Variants in ATXN1 observed in about 807,000 individuals in gnomAD.
The protein encoded by ATXN1 is ataxin-1.
In ATXN1, 8 loss-of-function variants were observed where a neutral mutation model predicts 56.4. That is an observed-to-expected ratio of 0.14 (90% confidence interval 0.08 to 0.26). The LOEUF (loss-of-function observed/expected upper bound fraction) is 0.26, where lower values mean the gene tolerates loss of function less well. Among genes scored for constraint, ATXN1 ranks in the 10% least tolerant of loss-of-function variants. The probability of loss-of-function intolerance (pLI) is 1.00; values close to 1 mark genes in which losing one functional copy is unlikely to be tolerated. For synonymous variants in ATXN1, 514 were observed against 494.6 expected (o/e 1.04, Z -0.52); for missense variants, 987 against 1,106.5 (o/e 0.89, Z 1.53).
intron 3 of ATXN1, among the ~76,000 whole-genome samples, chr6:16,643,067 C>T (rs868183847): frequency 2.6e-5 from 4 of 151,572 alleles, no homozygotes; most frequent in Non-Finnish European, 4.4e-5. Flanking sequence ...GTCAGGAGTT[C>T]GAGACCAGCC....
At chr6:16,490,203 C>T (rs1255838999) in intron 5 of ATXN1, among the ~76,000 whole-genome samples, 1 of 151,284 alleles carries the variant, frequency 6.6e-6, no homozygotes, top group Non-Finnish European at 1.5e-5. Flanking sequence ...CAGGTTATTA[C>T]ACTGTGTGTG....
At chr6:16,703,729 G>A (rs546401559) in intron 2 of ATXN1, among the ~76,000 whole-genome samples, 1 of 152,170 alleles carries the variant, frequency 6.6e-6, no homozygotes, top group African/African-American at 2.4e-5. Flanking sequence ...TTTAAAAATG[G>A]TTAAAGTGGG....
chr6:16,755,971 ATATAAT>A (rs1320697132), intron 1 of ATXN1, among the ~76,000 whole-genome samples: 1 of 152,200 alleles, frequency 6.6e-6, no homozygotes, highest in Non-Finnish European at 1.5e-5. Flanking sequence ...GTCAAACAAA[ATATAAT>A]GCTTGTTGCT....
intron 2 of ATXN1, among the ~76,000 whole-genome samples, chr6:16,686,014 G>A (rs978729897): frequency 5.3e-5 from 8 of 151,992 alleles, no homozygotes; most frequent in African/African-American, 1.4e-4. Flanking sequence ...TCTTAATACC[G>A]AATATTCTTA....
intron 7 of ATXN1, among the ~76,000 whole-genome samples, chr6:16,324,506 T>A (rs1355114548): frequency 6.6e-6 from 1 of 152,202 alleles, no homozygotes; most frequent in East Asian, 1.9e-4. Context: ...TTATCTTTTT[T>A]TTCTTGTTTT....
chr6:16,472,897 G>A (rs779713171), intron 6 of ATXN1, among the ~76,000 whole-genome samples: 7 of 152,282 alleles, frequency 4.6e-5, no homozygotes, highest in Non-Finnish European at 1.0e-4. Context: ...CAGTCTGTTC[G>A]AACTCTTTGA....
chr6:16,608,685 C>T (rs1581881217), intron 3 of ATXN1, among the ~76,000 whole-genome samples: 1 of 152,198 alleles, frequency 6.6e-6, no homozygotes, highest in Admixed American at 6.5e-5. Flanking sequence ...TGACTGGCTG[C>T]TACTTGAGAG....
chr6:16,696,091 C>G (rs1178605822), intron 2 of ATXN1, among the ~76,000 whole-genome samples: 1 of 152,208 alleles, frequency 6.6e-6, no homozygotes, highest in Non-Finnish European at 1.5e-5. Context: ...CCCTGGACAG[C>G]TCTCCTGGGC....
At chr6:16,379,024 C>G (rs1306510269) in intron 6 of ATXN1, among the ~76,000 whole-genome samples, 2 of 152,118 alleles carry the variant, frequency 1.3e-5, no homozygotes, top group African/African-American at 4.8e-5. Flanking sequence ...AAATGCCCAT[C>G]AATTGAGTGG....
In ATXN1 at chr6:16,326,220, G is replaced by A. The variant is rs763221588; in HGVS notation, c.1917+174C>T. ...ATTCATTACACACAGCAGAGATCAC[G>A]GGGAAATGGGGCTTATTTTTTCTAG... On this transcript the variant is annotated intron_variant, in intron 7 of 7. Coordinates refer to ENST00000436367, the MANE Select transcript of ATXN1 (RefSeq NM_001128164.2). This position sits in a 1 kb window ranked among gnomAD's most constrained non-coding sequence, Gnocchi z 6.6. Among the ~76,000 whole-genome samples the A allele has an allele frequency of 6.6e-6, 1 of 152,096 alleles. No individual in the cohort carries two copies. The highest frequency in any genetic ancestry group is 2.4e-5 in the African/African-American group (1 of 41,384).
At chr6:16,691,899 C>G (rs1759054407) in intron 2 of ATXN1, among the ~76,000 whole-genome samples, 1 of 152,192 alleles carries the variant, frequency 6.6e-6, no homozygotes, top group African/African-American at 2.4e-5. Context: ...AAGAACTCCC[C>G]CAGGAACTGC....
chr6:16,467,405 C>T (rs1033049535), intron 6 of ATXN1, among the ~76,000 whole-genome samples: 4 of 152,182 alleles, frequency 2.6e-5, no homozygotes, highest in South Asian at 2.1e-4. Flanking sequence ...GAGGGACGCA[C>T]GGTCCAATCA....
intron 6 of ATXN1, among the ~76,000 whole-genome samples, chr6:16,478,052 C>T (rs1049690379): frequency 3.3e-5 from 5 of 152,166 alleles, no homozygotes; most frequent in Non-Finnish European, 7.4e-5. Flanking sequence ...GGACAACTGG[C>T]GTCACTGCGG....
At chr6:16,433,520 G>C (rs372335175) in intron 6 of ATXN1, among the ~76,000 whole-genome samples, 1 of 152,174 alleles carries the variant, frequency 6.6e-6, no homozygotes, top group Non-Finnish European at 1.5e-5. Flanking sequence ...TGTCCCTCCT[G>C]GTTAAGCACC....
rs1251754728 is a variant in ATXN1 at position 16,378,572 on chromosome 6, T to TATTTATTC, written c.-160-50103_-160-50102insGAATAAAT. 4.3e-3 allele frequency among the ~76,000 whole-genome samples: 634 copies of TATTTATTC among 147,846 alleles called. 7 individuals carry two copies. The highest frequency in any genetic ancestry group is 0.015 in the African/African-American group (602 of 39,662). ...TTATTTATTTATTTATTTATTTATT[T>TATTTATTC]ATTTAGAGACAGGGTCTCACTCTGT... On this transcript the variant is annotated intron_variant, in intron 6 of 7. Coordinates refer to ENST00000436367, the MANE Select transcript of ATXN1 (RefSeq NM_001128164.2).
At chr6:16,485,264 C>T (rs1760522614) in intron 6 of ATXN1, 1 of 152,096 alleles carries the variant, frequency 6.6e-6, no homozygotes, top group Non-Finnish European at 1.5e-5. Flanking sequence ...GGGCTGAGCA[C>T]CTTTGCATTA....
intron 4 of ATXN1, among the ~76,000 whole-genome samples, chr6:16,566,411 T>C (rs946532878): frequency 6.6e-6 from 1 of 152,058 alleles, no homozygotes; most frequent in Non-Finnish European, 1.5e-5. Context: ...CCCAAACTCC[T>C]GCAGCATTGG....
At chr6:16,639,355 C>G (rs150907442) in intron 3 of ATXN1, among the ~76,000 whole-genome samples, 2 of 152,302 alleles carry the variant, frequency 1.3e-5, no homozygotes, top group Non-Finnish European at 2.9e-5. Flanking sequence ...GACCACAAAC[C>G]TATCGGAAGG....
chr6:16,730,979 TAGAA>T (rs1208655539), intron 2 of ATXN1, among the ~76,000 whole-genome samples: 1 of 152,160 alleles, frequency 6.6e-6, no homozygotes, highest in Non-Finnish European at 1.5e-5. Context: ...ATTGACAAGA[TAGAA>T]GGAAGAAGCT....
Sources: gnomAD v4.1 joint callset for allele counts (sites outside exome capture counted in the v4.1 genomes callset) on GRCh38, gnomAD v4.1.1 for gene constraint, Gnocchi (gnomAD v3.1) non-coding constraint, MANE v1.5 for transcripts, NCBI Gene and HGNC (gene_info 2026-07-23, HGNC 2026-07-21) for gene names.